The following INO80D variants were observed in gnomAD, a reference collection of about 807,000 sequenced individuals.
The protein encoded by INO80D is INO80 complex subunit D.
INO80D carries 21 observed loss-of-function variants against 87.6 expected under a neutral mutation model. The observed-to-expected ratio is 0.24, with a 90% CI of 0.17 to 0.35. The LOEUF is 0.35. Ranked by LOEUF, INO80D falls within the 10% of genes least tolerant of loss-of-function variation. The pLI, the probability that INO80D is intolerant of heterozygous loss-of-function variation, is 1.00. For synonymous variants in INO80D, 440 were observed against 491.0 expected (o/e 0.90, Z 1.37); for missense variants, 982 against 1,280.7 (o/e 0.77, Z 3.56).
intron 8 of INO80D, among the ~76,000 whole-genome samples, chr2:206,015,762 C>T (rs1036738065): frequency 6.6e-6 from 1 of 152,182 alleles, no homozygotes; most frequent in Non-Finnish European, 1.5e-5. Flanking sequence ...TGGCACACGC[C>T]TGTAATCCCA....
intron 4 of INO80D, among the ~76,000 whole-genome samples, chr2:206,050,842 G>A (rs918556276): frequency 3.3e-5 from 5 of 151,894 alleles, no homozygotes; most frequent in African/African-American, 9.7e-5. Context: ...GGTCGCGGGC[G>A]CCTGTAGTCC....
chr2:206,033,835 T>C lies in INO80D; in HGVS notation c.1074-5500A>G, dbSNP rs183410001. ...TCTTTGAAAAGACACATACAATTGATAGGCCATTAGCAAGATTAACCAAGA... is the reference window on the plus strand; with the variant it reads ...TCTTTGAAAAGACACATACAATTGACAGGCCATTAGCAAGATTAACCAAGA... On this transcript the variant is annotated intron_variant, in intron 5 of 10. Transcript: ENST00000403263. Among the ~76,000 whole-genome samples the C allele has an allele frequency of 2.0e-5, 3 of 152,218 alleles. No individual in the cohort carries two copies. In the East Asian group the frequency reaches 5.8e-4, roughly 29 times the overall value.
intron 5 of INO80D, among the ~76,000 whole-genome samples, chr2:206,038,103 G>A (rs778654789): frequency 6.6e-6 from 1 of 152,102 alleles, no homozygotes; most frequent in Non-Finnish European, 1.5e-5. Context: ...GAAGAGCGGA[G>A]GATAATGAGA....
chr2:206,038,892 C>A (rs1390448887), intron 5 of INO80D, among the ~76,000 whole-genome samples: 1 of 152,108 alleles, frequency 6.6e-6, no homozygotes, highest in African/African-American at 2.4e-5. Context: ...AGAGTACTTG[C>A]TGATATAAAG....
intron 4 of INO80D, among the ~76,000 whole-genome samples, chr2:206,049,045 GTATTT>G (rs1328624307): frequency 6.6e-6 from 1 of 152,146 alleles, no homozygotes; most frequent in Non-Finnish European, 1.5e-5. Context: ...TTGATAACTA[GTATTT>G]TATTTATGTC....
chr2:206,020,150 T>C (rs1688422614), intron 6 of INO80D, among the ~76,000 whole-genome samples: 1 of 151,980 alleles, frequency 6.6e-6, no homozygotes, highest in Admixed American at 6.6e-5. Context: ...TAGAGAAAAG[T>C]GATGAAGAAC....
rs1168901291 is a variant in INO80D at position 205,994,860 on chromosome 2, C to A, written c.*9508G>T. On this transcript the variant is annotated 3_prime_UTR_variant, in exon 11 of 11. Transcript: ENST00000403263. The stretch of plus-strand genomic sequence containing the variant: ...GAATTAAATCTATTTCAAGCACATG[C>A]AACTTGGAACTCGCAAAAAAAAAAA... The A allele has an allele frequency of 1.5e-5, 2 of 131,128 alleles. No homozygotes were observed. The highest frequency in any genetic ancestry group is 2.9e-5 in the African/African-American group (1 of 34,650). The allele number at this position is 131,128 out of a possible 1,614,324, so 8.1% of individuals were successfully genotyped here.
Position 206,085,584 on chromosome 2 carries a change from GGC to G in INO80D, c.-124+315_-124+316del. ...GGGGCCTACCGGCCCGAGGCCTACC[GGC>G]GCCCCCCCCTCCCGCCGCACACCCC... On this transcript the variant is annotated intron_variant, in intron 1 of 10. Transcript: ENST00000403263. This position sits in a 1 kb window ranked among gnomAD's most constrained non-coding sequence, Gnocchi z 4.5. 6.7e-6 allele frequency: 1 copy of G among 149,026 alleles called. No homozygotes were observed. The highest frequency in any genetic ancestry group is 6.7e-5 in the Admixed American group (1 of 15,026). 9.2% of individuals were successfully genotyped at this position (149,026 alleles called of 1,614,324 possible).
intron 6 of INO80D, among the ~76,000 whole-genome samples, chr2:206,022,958 G>A (rs2105823752): frequency 6.6e-6 from 1 of 152,296 alleles, no homozygotes; most frequent in African/African-American, 2.4e-5. Context: ...CAGCACTTTG[G>A]GAGGCCAAGG....
chr2:206,075,976 C>T (rs947381390), intron 1 of INO80D, among the ~76,000 whole-genome samples: 22 of 150,290 alleles, frequency 1.5e-4, no homozygotes, highest in African/African-American at 4.9e-4. Context: ...TGCTTGTACC[C>T]GGGAGGTGGA....
At chr2:206,031,914 C>T (rs941054850) in intron 5 of INO80D, among the ~76,000 whole-genome samples, 1 of 152,134 alleles carries the variant, frequency 6.6e-6, no homozygotes, top group Non-Finnish European at 1.5e-5. Flanking sequence ...GAACACACAC[C>T]GCTGCTGGGG....
chr2:206,072,821 T>G (rs1286209248), intron 1 of INO80D, among the ~76,000 whole-genome samples: 1 of 151,652 alleles, frequency 6.6e-6, no homozygotes, highest in Non-Finnish European at 1.5e-5. Context: ...TTTGTAATAA[T>G]TTTATAAAAA....
At chr2:206,054,267 C>T (rs777507630) in intron 4 of INO80D, among the ~76,000 whole-genome samples, 16 of 151,700 alleles carry the variant, frequency 1.1e-4, no homozygotes, top group Non-Finnish European at 2.1e-4. Flanking sequence ...AGTGATCCTC[C>T]CACCTCGGCC....
chr2:206,009,261 T>G (rs925593559), intron 9 of INO80D, among the ~76,000 whole-genome samples: 2 of 152,184 alleles, frequency 1.3e-5, no homozygotes, highest in African/African-American at 4.8e-5. Context: ...GGAGCCGAGA[T>G]TGCGCCACTG....
intron 4 of INO80D, among the ~76,000 whole-genome samples, chr2:206,053,925 C>T (rs752381228): frequency 3.3e-5 from 5 of 151,906 alleles, no homozygotes; most frequent in South Asian, 4.1e-4. Context: ...CTGCAACCTC[C>T]GCCTCCTGGG....
chr2:206,027,156 G>A (rs899938629), intron 6 of INO80D, among the ~76,000 whole-genome samples: 33 of 151,306 alleles, frequency 2.2e-4, no homozygotes, highest in East Asian at 3.9e-4. Flanking sequence ...GCGCGCACGC[G>A]CACACACACA....
chr2:206,053,645 A>C (rs968379088), intron 4 of INO80D, among the ~76,000 whole-genome samples: 2 of 152,160 alleles, frequency 1.3e-5, no homozygotes, highest in African/African-American at 4.8e-5. Flanking sequence ...AACAGTCTGG[A>C]AGTATATATC....
At position 206,000,523 on chromosome 2, in the gene INO80D, T is replaced by C. The variant is rs1687891647; in HGVS notation, c.*3845A>G. On this transcript the variant is annotated 3_prime_UTR_variant, in exon 11 of 11. Coordinates refer to ENST00000403263, the MANE Select transcript of INO80D (RefSeq NM_017759.5). Reference sequence around the variant, plus strand: ...TGGTATAGGTCAACAGAAAGGTCAATTCTTTCATGTAAGAAGAAAACCGTA... The same window carrying C: ...TGGTATAGGTCAACAGAAAGGTCAACTCTTTCATGTAAGAAGAAAACCGTA... 6.6e-6 allele frequency: 1 copy of C among 151,750 alleles called. No homozygotes were observed. The highest frequency in any genetic ancestry group is 6.6e-5 in the Admixed American group (1 of 15,200). 9.4% of individuals were successfully genotyped at this position (151,750 alleles called of 1,614,324 possible).
intron 1 of INO80D, among the ~76,000 whole-genome samples, chr2:206,069,075 T>G (rs1353360965): frequency 6.6e-6 from 1 of 152,206 alleles, no homozygotes; most frequent in Admixed American, 6.5e-5. Context: ...ATCTTAATCC[T>G]ATTATATTTT....
Sources: gnomAD v4.1 joint callset for allele counts (sites outside exome capture counted in the v4.1 genomes callset) on GRCh38, gnomAD v4.1.1 for gene constraint, Gnocchi (gnomAD v3.1) non-coding constraint, MANE v1.5 for transcripts, NCBI Gene and HGNC (gene_info 2026-07-23, HGNC 2026-07-21) for gene names.